The following HEATR5A variants were observed in gnomAD, a reference collection of about 807,000 sequenced individuals.
HEATR5A encodes the protein HEAT repeat containing 5A.
HEATR5A carries 178 observed loss-of-function variants against 218.8 expected under a neutral mutation model. The ratio of observed to expected loss-of-function variants is 0.81; its 90% CI spans 0.72 to 0.92. HEATR5A has a LOEUF of 0.92. HEATR5A is among the 40% of genes least tolerant of loss of function. The pLI is 0.00. For missense variants in HEATR5A, 2,420 were observed against 2,418.9 expected, an observed-to-expected ratio of 1.00 and a Z score of -0.01; for synonymous variants, 864 against 871.6, an observed-to-expected ratio of 0.99 and a Z score of 0.15.
chr14:31,331,492 C>G (rs1477929778), intron 22 of HEATR5A, among the ~76,000 whole-genome samples: 1 of 152,172 alleles, frequency 6.6e-6, no homozygotes, highest in African/African-American at 2.4e-5. Flanking sequence ...CCAGACTTTG[C>G]CACATCTTCC....
chr14:31,352,546 G>A (rs116894729), intron 16 of HEATR5A, among the ~76,000 whole-genome samples: 247 of 152,248 alleles, frequency 1.6e-3, no homozygotes, highest in South Asian at 9.3e-3. Flanking sequence ...ATAGACATGG[G>A]GATCGTGCCT....
intron 6 of HEATR5A, among the ~76,000 whole-genome samples, chr14:31,391,354 GT>G (rs1235571758): frequency 6.6e-6 from 1 of 152,082 alleles, no homozygotes; most frequent in African/African-American, 2.4e-5. Flanking sequence ...GGCCAGGCTG[GT>G]CTTGAACTCC....
At chr14:31,407,872 TC>T (rs2031136885) in intron 1 of HEATR5A, among the ~76,000 whole-genome samples, 1 of 152,084 alleles carries the variant, frequency 6.6e-6, no homozygotes, top group Admixed American at 6.5e-5. Flanking sequence ...AGGTAATCCA[TC>T]CGCCTTGGCC....
chr14:31,348,923 T>C (rs1421042447), intron 18 of HEATR5A, among the ~76,000 whole-genome samples: 7 of 152,194 alleles, frequency 4.6e-5, no homozygotes, highest in Non-Finnish European at 1.0e-4. Context: ...ATTATACATA[T>C]ATAACTAATA....
chr14:31,407,095 G>A (rs979375862), intron 1 of HEATR5A, among the ~76,000 whole-genome samples: 3 of 151,124 alleles, frequency 2.0e-5, no homozygotes, highest in African/African-American at 7.3e-5. Context: ...TTCAAGACCA[G>A]CCTGAGCAAC....
chr14:31,394,182 C>G lies in HEATR5A; in HGVS notation c.642G>C (p.Thr214=). 1 of 1,517,158 alleles carries G rather than the reference C, an allele frequency of 6.6e-7. No individual in the cohort carries two copies. The highest frequency in any genetic ancestry group is 8.8e-7 in the Non-Finnish European group (1 of 1,138,712). The allele number at this position is 1,517,158 out of a possible 1,614,324, so 94.0% of individuals were successfully genotyped here. A position where few individuals can be genotyped will look rare whatever the true frequency, so the allele number is the denominator to read the frequency against. The change falls in exon 6 of 36, where the codon ACG becomes ACC. Residue 214 remains threonine, a synonymous_variant. Transcript: ENST00000543095. ...ACAGTGTGGCCACACTGTCCAGGTC[C>G]GTACTCCACATAAAGATGGCTTCAT... The part of the protein sequence containing the change: ...LQNEAIFMWS[T]DLDSVATLCF...
rs544048465 is a variant in HEATR5A at position 31,358,739 on chromosome 14, T to C, written c.2309A>G (p.Glu770Gly). The C allele has an allele frequency of 4.7e-5, 76 of 1,613,884 alleles. 1 individual carries two copies. The Admixed American group carries it at 1.0e-3, about 21-fold the overall frequency. ...DPYSIYEKDV[E>G]GDSVPKPLPP... is the part of the protein sequence containing the mutation. Reference sequence around the variant, plus strand: ...TAAGGGCTTAGGCACTGAATCTCCCTCTACATCTTTCTCATAAATCGAATA... The same window carrying C: ...TAAGGGCTTAGGCACTGAATCTCCCCCTACATCTTTCTCATAAATCGAATA... Residue 770 changes from glutamate to glycine, a missense_variant, in exon 16 of 36, where the codon GAG (glutamate) becomes GGG (glycine). Physicochemically the swap from Glu to Gly is moderately conservative, Grantham distance 98. Coordinates refer to ENST00000543095, the MANE Select transcript of HEATR5A (RefSeq NM_015473.4).
chr14:31,326,075 AGACTGAT>A (rs1395803143), intron 23 of HEATR5A, 81 bp downstream of exon 23: 1 of 946,278 alleles, frequency 1.1e-6, no homozygotes, highest in Non-Finnish European at 1.7e-6. Flanking sequence ...TAGTTAGACA[AGACTGAT>A]GAATTCTCAG....
chr14:31,405,590 A>C (rs2031033377), intron 1 of HEATR5A, among the ~76,000 whole-genome samples: 1 of 152,254 alleles, frequency 6.6e-6, no homozygotes, highest in Non-Finnish European at 1.5e-5. Context: ...ACAGTTAATA[A>C]ATGCTACAGA....
chr14:31,293,816 T>C, intron 35 of HEATR5A, 75 bp downstream of exon 35: 5 of 1,249,536 alleles, frequency 4.0e-6, no homozygotes, highest in South Asian at 1.3e-5. Flanking sequence ...ATGTGACTGA[T>C]TGTTTTGCAA....
intron 27 of HEATR5A, among the ~76,000 whole-genome samples, chr14:31,315,003 T>A (rs1394209734): frequency 1.3e-5 from 2 of 152,020 alleles, no homozygotes; most frequent in African/African-American, 4.8e-5. Context: ...TGAAACCCCA[T>A]CTCTACTAAA....
intron 1 of HEATR5A, among the ~76,000 whole-genome samples, chr14:31,403,724 C>G (rs1416020268): frequency 6.6e-6 from 1 of 152,158 alleles, no homozygotes; most frequent in Admixed American, 6.5e-5. Flanking sequence ...TCCAATGCAG[C>G]CTTAATTTTG....
rs553010751 is a variant in HEATR5A, at chr14:31,400,988, C to T, written c.127-476G>A. On this transcript the variant is annotated intron_variant, in intron 2 of 35. Coordinates refer to ENST00000543095, the MANE Select transcript of HEATR5A (RefSeq NM_015473.4). ...CCGAGTAGCTGGGACTACAGGCGCC[C>T]GCCACCATGCCCGGCTAATTTTTTG... Among the ~76,000 whole-genome samples, 12 of 151,916 alleles carry T rather than the reference C, an allele frequency of 7.9e-5. No individual in the cohort carries two copies. The South Asian group carries it at 1.7e-3, about 21-fold the overall frequency.
chr14:31,386,006 C>T (rs1481061169), intron 9 of HEATR5A, among the ~76,000 whole-genome samples: 1 of 152,206 alleles, frequency 6.6e-6, no homozygotes, highest in African/African-American at 2.4e-5. Context: ...GGATTATATG[C>T]ATGAGCCACT....
chr14:31,338,374 G>A (rs1250971494), intron 21 of HEATR5A, among the ~76,000 whole-genome samples: 3 of 152,030 alleles, frequency 2.0e-5, no homozygotes, highest in Non-Finnish European at 2.9e-5. Context: ...GCTCTCTAGA[G>A]ACAAGCATTA....
intron 25 of HEATR5A, chr14:31,320,711 C>T: frequency 5.0e-6 from 2 of 397,438 alleles, no homozygotes; most frequent in South Asian, 5.0e-5. Flanking sequence ...TTTAAAGTTA[C>T]AAAACACTTG....
intron 9 of HEATR5A, 56 bp from the exon 10 acceptor site, chr14:31,383,827 A>G: frequency 7.1e-7 from 1 of 1,413,270 alleles, no homozygotes; most frequent in Non-Finnish European, 9.6e-7. Context: ...ACCTGACCAT[A>G]AAATAGTCAA....
Position 31,317,294 on chromosome 14 carries a change from ATTTTTTTTTTT to A in HEATR5A, c.4038+919_4038+929del, listed in dbSNP as rs35394095. On this transcript the variant is annotated intron_variant, in intron 26 of 35. Transcript: ENST00000543095. ...ATTAGTTCAGGTCATCCCGGGCTAG[ATTTTTTTTTTT>A]TTTTTTTTTTTTTTTTTGAGATGGA... Among the ~76,000 whole-genome samples the A allele has an allele frequency of 4.5e-3, 290 of 64,234 alleles. 2 individuals carry two copies. The highest frequency in any genetic ancestry group is 0.016 in the African/African-American group (244 of 15,648). 42.1% of individuals were successfully genotyped at this position (64,234 alleles called of 152,430 possible). A position where few individuals can be genotyped will look rare whatever the true frequency, so the allele number is the denominator to read the frequency against.
chr14:31,418,541 A>G (rs1007348179), intron 1 of HEATR5A, among the ~76,000 whole-genome samples: 2 of 152,250 alleles, frequency 1.3e-5, no homozygotes, highest in African/African-American at 2.4e-5. Context: ...GAACTAGACA[A>G]GGGATCTAAT....
Sources: allele counts gnomAD v4.1 joint callset (sites outside exome capture counted in the v4.1 genomes callset), GRCh38; gene constraint gnomAD v4.1.1; transcripts MANE v1.5; gene names NCBI Gene and HGNC (gene_info 2026-07-23, HGNC 2026-07-21).